Variants in PTPRN2 observed in about 807,000 individuals in gnomAD.
PTPRN2 encodes receptor-type tyrosine-protein phosphatase N2.
A neutral mutation model predicts 118.8 loss-of-function variants in PTPRN2; 74 were observed. That is an observed-to-expected ratio of 0.62 (90% confidence interval 0.52 to 0.76). The LOEUF (loss-of-function observed/expected upper bound fraction) is 0.76. Among genes scored for constraint, PTPRN2 ranks in the 30% least tolerant of loss-of-function variants. The probability of loss-of-function intolerance (pLI) is 0.00; values close to 1 mark genes in which losing one functional copy is unlikely to be tolerated. For synonymous variants in PTPRN2, 641 were observed against 608.0 expected, an observed-to-expected ratio of 1.05 and a Z score of -0.80; for missense variants, 1,481 against 1,394.4, an observed-to-expected ratio of 1.06 and a Z score of -0.99.
intron 2 of PTPRN2, among the ~76,000 whole-genome samples, chr7:158,364,485 T>C (rs1177564350): frequency 6.6e-6 from 1 of 152,226 alleles, no homozygotes. Context: ...TCTCTTTTTC[T>C]GGTTTATAAA....
intron 12 of PTPRN2, among the ~76,000 whole-genome samples, chr7:157,810,653 G>A (rs1365194411): frequency 7.4e-6 from 1 of 135,242 alleles, no homozygotes; most frequent in Non-Finnish European, 1.5e-5. Flanking sequence ...GGAACGGCGG[G>A]ACTGCTGGGG....
At chr7:157,701,888 G>A (rs949074795) in intron 12 of PTPRN2, among the ~76,000 whole-genome samples, 1 of 148,472 alleles carries the variant, frequency 6.7e-6, no homozygotes, top group African/African-American at 2.5e-5. Flanking sequence ...GGGTTTGTAA[G>A]AGAGCCGGGT....
rs562882706 is a variant in PTPRN2 at position 158,186,171 on chromosome 7, C to T, written c.549+6156G>A. ...TAAAATTTAGGCCGAATTCTCCCCA[C>T]TTCCTGTGACTGGCTTCTGCTTCTT... On this transcript the variant is annotated intron_variant, in intron 5 of 22. Transcript: ENST00000389418. 3.3e-4 allele frequency among the ~76,000 whole-genome samples: 50 copies of T among 152,354 alleles called. No individual in the cohort carries two copies. The South Asian group carries it at 8.3e-3, about 25-fold the overall frequency.
chr7:157,821,353 T>C (rs80089110), intron 12 of PTPRN2, among the ~76,000 whole-genome samples: 5,104 of 152,246 alleles, frequency 0.034, 292 homozygotes, highest in African/African-American at 0.11. Flanking sequence ...ATTCACTCCA[T>C]GGCTGCCATT....
At position 157,878,775 on chromosome 7, in the gene PTPRN2, TACTC is replaced by T. The variant is rs1342319791; in HGVS notation, c.1788+19894_1788+19897del. 3.9e-4 allele frequency among the ~76,000 whole-genome samples: 41 copies of T among 105,280 alleles called. 1 individual carries two copies. Among genetic ancestry groups the T allele is most frequent in the Non-Finnish European group, 5.1e-4 (27 of 53,084 alleles). The allele number at this position is 105,280 out of a possible 152,430, so 69.1% of individuals were successfully genotyped here. A position where few individuals can be genotyped will look rare whatever the true frequency, so the allele number is the denominator to read the frequency against. ...CAGTGTGATACCGTGCACCCACACT[TACTC>T]ACCGAGGAGCTCTCGGATTCCGTGG... On this transcript the variant is annotated intron_variant, in intron 12 of 22. Transcript: ENST00000389418.
At chr7:157,571,107 C>T (rs1017373080) in intron 20 of PTPRN2, among the ~76,000 whole-genome samples, 1 of 147,960 alleles carries the variant, frequency 6.8e-6, no homozygotes, top group Non-Finnish European at 1.5e-5. Flanking sequence ...ATTAGCCGGG[C>T]GTGGTGGCGG....
intron 2 of PTPRN2, among the ~76,000 whole-genome samples, chr7:158,334,557 C>A (rs1169250536): frequency 9.2e-6 from 1 of 109,086 alleles, no homozygotes; most frequent in African/African-American, 3.3e-5. Flanking sequence ...ACACTCTCAC[C>A]ATAAGAGCTC....
At chr7:157,926,132 GCTGAGGGTCCACGCGT>G (rs1798972623) in intron 11 of PTPRN2, among the ~76,000 whole-genome samples, 1 of 27,640 alleles carries the variant, frequency 3.6e-5, no homozygotes, top group African/African-American at 1.8e-4. Flanking sequence ...GCCACAGGAA[GCTGAGGGTCCACGCGT>G]TACCTCCCTC....
intron 12 of PTPRN2, among the ~76,000 whole-genome samples, chr7:157,815,123 T>A (rs1213120441): frequency 6.6e-6 from 1 of 152,238 alleles, no homozygotes; most frequent in Non-Finnish European, 1.5e-5. Context: ...CTGCTGGGCC[T>A]GCATGACCGG....
rs560723305 is a variant in PTPRN2, at chr7:157,917,836, A to G, written c.1724-19099T>C. The stretch of plus-strand genomic sequence containing the variant: ...AATGGAAATTGTCTCCTTATTGTTC[A>G]TCTCTAGACATCAGAGTCAGCAGGC... On this transcript the variant is annotated intron_variant, in intron 11 of 22. Coordinates refer to ENST00000389418, the MANE Select transcript of PTPRN2 (RefSeq NM_002847.5). 2.0e-5 allele frequency among the ~76,000 whole-genome samples: 3 copies of G among 152,288 alleles called. No individual in the cohort carries two copies. In the South Asian group the frequency reaches 6.2e-4, roughly 32 times the overall value.
intron 11 of PTPRN2, among the ~76,000 whole-genome samples, chr7:158,073,395 G>A (rs901436455): frequency 7.2e-5 from 11 of 152,180 alleles, no homozygotes; most frequent in African/African-American, 2.2e-4. Context: ...GGGCCCATGC[G>A]TTGGCTTCAG....
At chr7:158,422,102 T>C (rs1815302002) in intron 2 of PTPRN2, among the ~76,000 whole-genome samples, 1 of 152,182 alleles carries the variant, frequency 6.6e-6, no homozygotes, top group Non-Finnish European at 1.5e-5. Context: ...TACTGAAAAG[T>C]ATCACTAAAA....
intron 3 of PTPRN2, among the ~76,000 whole-genome samples, chr7:158,299,245 T>C (rs1337595432): frequency 2.0e-5 from 3 of 152,058 alleles, no homozygotes; most frequent in South Asian, 4.2e-4. Context: ...GAAACTGCCA[T>C]GCAAGTCTGT....
intron 11 of PTPRN2, among the ~76,000 whole-genome samples, chr7:157,952,095 C>G (rs531318942): frequency 6.6e-6 from 1 of 152,214 alleles, no homozygotes; most frequent in Admixed American, 6.5e-5. Context: ...GCACACCCTG[C>G]GGGGAGGCCA....
chr7:157,975,576 G>A (rs1216046158), intron 11 of PTPRN2, among the ~76,000 whole-genome samples: 1 of 152,090 alleles, frequency 6.6e-6, no homozygotes, highest in East Asian at 1.9e-4. Flanking sequence ...CCCTAGACCC[G>A]AACTGTGCTT....
rs73163805 is a variant in PTPRN2 at position 157,573,856 on chromosome 7, C to T, written c.2784-2363G>A. ...AAGGTTTCGCTGTAATTTTCATATC[C>T]GTACCAGCCCCCACCTTGTGCTCAA... On this transcript the variant is annotated intron_variant, in intron 19 of 22. Coordinates refer to ENST00000389418, the MANE Select transcript of PTPRN2 (RefSeq NM_002847.5). Among the ~76,000 whole-genome samples, 1,088 of 152,324 alleles carry T rather than the reference C, an allele frequency of 7.1e-3. 8 individuals are homozygous for T. The highest frequency in any genetic ancestry group is 0.011 in the Non-Finnish European group (729 of 68,038).
Position 158,505,056 on chromosome 7 carries a change from A to G in PTPRN2, c.113-15271T>C, listed in dbSNP as rs1466064055. 2.0e-5 allele frequency among the ~76,000 whole-genome samples: 3 copies of G among 152,216 alleles called. No homozygotes were observed. The East Asian group carries it at 5.8e-4, about 29-fold the overall frequency. ...AACTATGTTCCCCTCCTCACCCTATAGGGTTGCCGGGAAAATCCAAGGCTC... is the reference window on the plus strand; with the variant it reads ...AACTATGTTCCCCTCCTCACCCTATGGGGTTGCCGGGAAAATCCAAGGCTC... On this transcript the variant is annotated intron_variant, in intron 1 of 22. Transcript: ENST00000389418.
chr7:158,322,529 C>T (rs892420823), intron 2 of PTPRN2, among the ~76,000 whole-genome samples: 47 of 149,648 alleles, frequency 3.1e-4, no homozygotes, highest in South Asian at 6.4e-4. Flanking sequence ...CACCTGGCCC[C>T]AGTGGGCGGC....
chr7:158,468,959 TC>T (rs1819609395), intron 2 of PTPRN2, among the ~76,000 whole-genome samples: 1 of 151,756 alleles, frequency 6.6e-6, no homozygotes, highest in African/African-American at 2.4e-5. Context: ...CCACACACAC[TC>T]CGGGTGGATC....
Sources: gnomAD v4.1 joint callset for allele counts (sites outside exome capture counted in the v4.1 genomes callset) on GRCh38, gnomAD v4.1.1 for gene constraint, MANE v1.5 for transcripts, NCBI Gene and HGNC (gene_info 2026-07-23, HGNC 2026-07-21) for gene names.